CNTN5: variants seen among roughly 807,000 people sequenced by gnomAD.
CNTN5 encodes contactin-5.
Under a neutral mutation model 129.1 loss-of-function variants are expected in CNTN5, and 77 were observed. That is an observed-to-expected ratio of 0.60 (90% CI 0.50 to 0.72). The LOEUF is 0.72. Ranked by LOEUF, CNTN5 falls within the 30% of genes least tolerant of loss-of-function variation. CNTN5 has a pLI of 0.00. For missense variants in CNTN5, 1,478 were observed against 1,328.8 expected (o/e 1.11, Z -1.75); for synonymous variants, 509 against 465.6 (o/e 1.09, Z -1.20).
chr11:99,663,461 C>A (rs606249), intron 3 of CNTN5, among the ~76,000 whole-genome samples: 68,687 of 152,058 alleles, frequency 0.45, 16,395 homozygotes, highest in Middle Eastern at 0.59. Flanking sequence ...GAGCGAGACT[C>A]CGTCTCAAAA....
At chr11:99,037,253 C>T (rs1184576490) in intron 1 of CNTN5, among the ~76,000 whole-genome samples, 1 of 152,158 alleles carries the variant, frequency 6.6e-6, no homozygotes, top group Non-Finnish European at 1.5e-5. Flanking sequence ...TCCCTCTATT[C>T]TCCAACATGT....
intron 1 of CNTN5, among the ~76,000 whole-genome samples, chr11:99,050,494 GA>G (rs1337442068): frequency 6.6e-6 from 1 of 151,536 alleles, no homozygotes; most frequent in Non-Finnish European, 1.5e-5. Context: ...ATTTCAAATA[GA>G]AAAAAACCTG....
intron 3 of CNTN5, among the ~76,000 whole-genome samples, chr11:99,676,996 AC>A (rs2134686948): frequency 6.6e-6 from 1 of 152,182 alleles, no homozygotes; most frequent in South Asian, 2.1e-4. Context: ...AGAAACTCAA[AC>A]TCATTATCAA....
chr11:99,413,000 G>A (rs1271573964), intron 2 of CNTN5, among the ~76,000 whole-genome samples: 2 of 152,272 alleles, frequency 1.3e-5, no homozygotes, highest in African/African-American at 4.8e-5. Context: ...ATTATAAACT[G>A]CAGCAGCATG....
At chr11:99,200,052 A>G (rs372818457) in intron 1 of CNTN5, among the ~76,000 whole-genome samples, 3 of 152,184 alleles carry the variant, frequency 2.0e-5, no homozygotes, top group South Asian at 4.1e-4. Flanking sequence ...TCCCAATACT[A>G]TACAGATTAC....
intron 2 of CNTN5, among the ~76,000 whole-genome samples, chr11:99,516,603 G>A (rs1403448842): frequency 6.6e-6 from 1 of 152,028 alleles, no homozygotes; most frequent in Non-Finnish European, 1.5e-5. Context: ...GGTCACCAAT[G>A]GGGCAGTGAC....
intron 1 of CNTN5, among the ~76,000 whole-genome samples, chr11:99,206,211 G>T (rs974720583): frequency 2.6e-5 from 4 of 152,076 alleles, no homozygotes; most frequent in African/African-American, 4.8e-5. Flanking sequence ...ATTTCCGAAA[G>T]ATTTCTTTCT....
At chr11:99,538,295 A>G (rs943621884) in intron 2 of CNTN5, among the ~76,000 whole-genome samples, 2 of 152,138 alleles carry the variant, frequency 1.3e-5, no homozygotes, top group African/African-American at 4.8e-5. Context: ...CACACGTTCT[A>G]TTTACAGTGG....
At chr11:100,060,631 A>AT (rs1043386260) in intron 9 of CNTN5, among the ~76,000 whole-genome samples, 10 of 124,356 alleles carry the variant, frequency 8.0e-5, no homozygotes, top group Admixed American at 6.8e-4. Context: ...AAACATAACA[A>AT]TTTTTTTTCT....
chr11:100,223,395 T>C (rs1383534186), intron 15 of CNTN5, among the ~76,000 whole-genome samples: 1 of 152,140 alleles, frequency 6.6e-6, no homozygotes, highest in Non-Finnish European at 1.5e-5. Context: ...TAAATATTTA[T>C]GATTTGAGTG....
chr11:99,994,908 A>G (rs1939346667), intron 8 of CNTN5, among the ~76,000 whole-genome samples: 1 of 152,218 alleles, frequency 6.6e-6, no homozygotes, highest in Admixed American at 6.5e-5. Context: ...AAATGCTGAC[A>G]TGAAGAGGAA....
rs76001843 is a variant in CNTN5, at chr11:99,807,151, T to TA, written c.56-12385dup. ...TTTCCACTATAATATTTGTAGAAAG[T>TA]AAAAAAAAGATAATAGATCTTAGCC... is the stretch of plus-strand genomic sequence containing the variant. On this transcript the variant is annotated intron_variant, in intron 3 of 24. Coordinates refer to ENST00000524871, the MANE Select transcript of CNTN5 (RefSeq NM_014361.4). Among the ~76,000 whole-genome samples, 1,754 of 151,758 alleles carry TA rather than the reference T, an allele frequency of 0.012. 78 individuals carry two copies. In the East Asian group the frequency reaches 0.14, roughly 12 times the overall value.
chr11:100,136,550 CATTA>C (rs1258274589), intron 13 of CNTN5, among the ~76,000 whole-genome samples: 15 of 151,944 alleles, frequency 9.9e-5, no homozygotes, highest in African/African-American at 3.1e-4. Flanking sequence ...TAATAATTGA[CATTA>C]ATCAATCTAG....
At chr11:100,005,102 G>T (rs1470482633) in intron 9 of CNTN5, among the ~76,000 whole-genome samples, 1 of 152,236 alleles carries the variant, frequency 6.6e-6, no homozygotes, top group African/African-American at 2.4e-5. Flanking sequence ...AATCATTACT[G>T]TATTCTTCAT....
At chr11:99,467,355 G>A (rs1944985784) in intron 2 of CNTN5, among the ~76,000 whole-genome samples, 1 of 151,856 alleles carries the variant, frequency 6.6e-6, no homozygotes, top group Non-Finnish European at 1.5e-5. Context: ...TCATTCATTT[G>A]GAATTTACCC....
chr11:99,622,459 C>G (rs754044579), intron 3 of CNTN5, among the ~76,000 whole-genome samples: 1 of 151,972 alleles, frequency 6.6e-6, no homozygotes, highest in Non-Finnish European at 1.5e-5. Flanking sequence ...AAGATTTATT[C>G]GGTATTAGTC....
chr11:99,930,526 C>G (rs1436648585), intron 7 of CNTN5, among the ~76,000 whole-genome samples: 1 of 152,178 alleles, frequency 6.6e-6, no homozygotes, highest in East Asian at 1.9e-4. Flanking sequence ...AGTCACCTGA[C>G]AGTTGCCTGA....
chr11:99,888,916 G>A (rs903843325), intron 6 of CNTN5, among the ~76,000 whole-genome samples: 3 of 152,144 alleles, frequency 2.0e-5, no homozygotes, highest in African/African-American at 4.8e-5. Flanking sequence ...TGAGGAAAAT[G>A]CTCACAGTTT....
chr11:99,819,481 C>G, intron 3 of CNTN5, 63 bp from the exon 4 acceptor site: 2 of 1,335,356 alleles, frequency 1.5e-6, no homozygotes, highest in South Asian at 2.6e-5. Context: ...AAACAATCTT[C>G]ATAAGAAAAA....
Sources: allele counts gnomAD v4.1 joint callset (sites outside exome capture counted in the v4.1 genomes callset), GRCh38; gene constraint gnomAD v4.1.1; transcripts MANE v1.5; gene names NCBI Gene and HGNC (gene_info 2026-07-23, HGNC 2026-07-21).